TET1: variants seen among roughly 807,000 people sequenced by gnomAD.
The protein encoded by TET1 is methylcytosine dioxygenase TET1.
TET1 carries 13 observed loss-of-function variants against 148.7 expected under a neutral mutation model. The ratio of observed to expected loss-of-function variants is 0.09; its 90% CI spans 0.06 to 0.14. The LOEUF is 0.14. Ranked by LOEUF, TET1 falls within the 10% of genes least tolerant of loss-of-function variation. The pLI is 1.00. For synonymous variants in TET1, 907 were observed against 937.2 expected (o/e 0.97, Z 0.59); for missense variants, 2,182 against 2,553.8 (o/e 0.85, Z 3.14).
chr10:68,678,312 T>G (rs574472751), intron 8 of TET1, among the ~76,000 whole-genome samples: 14 of 152,152 alleles, frequency 9.2e-5, no homozygotes, highest in Non-Finnish European at 1.8e-4. Flanking sequence ...AGTAATTCAG[T>G]TTAGATATAT....
intron 2 of TET1, among the ~76,000 whole-genome samples, chr10:68,597,818 T>G (rs2054005741): frequency 6.6e-6 from 1 of 152,216 alleles, no homozygotes; most frequent in African/African-American, 2.4e-5. Context: ...TTGTAAATAT[T>G]ATGCTATTAA....
chr10:68,595,612 CTTTTTT>C (rs71470530), intron 2 of TET1, among the ~76,000 whole-genome samples: 3 of 76,510 alleles, frequency 3.9e-5, no homozygotes, highest in African/African-American at 5.1e-5. Context: ...CACACAGCTT[CTTTTTT>C]TTTTTTTTTT....
rs781070947 is a variant in TET1 at position 68,686,577 on chromosome 10, G to A, written c.5274G>A (p.Arg1758=). 24 of 1,613,992 alleles carry A rather than the reference G, an allele frequency of 1.5e-5. No homozygotes were observed. Among genetic ancestry groups the A allele is most frequent in the Non-Finnish European group, 1.9e-5 (22 of 1,180,046 alleles). ...TQPVPRSGKK[R]AAMMTEVLAH... is the part of the protein sequence containing the mutation. ...CTGTTCCCCGTTCTGGAAAGAAGAG[G>A]GCTGCGATGATGACAGAGGTTCTTG... Residue 1758 remains arginine, a synonymous_variant, in exon 11 of 12, where the codon AGG becomes AGA. Transcript: ENST00000373644.
Position 68,646,034 on chromosome 10 carries a change from G to C in TET1, c.3305G>C (p.Ser1102Thr), listed in dbSNP as rs2054839931. Residue 1102 changes from serine to threonine, a missense_variant, in exon 4 of 12, where the codon AGT (serine) becomes ACT (threonine). By Grantham distance (58) the Ser-to-Thr change is moderately conservative (BLOSUM62 1). Coordinates refer to ENST00000373644, the MANE Select transcript of TET1 (RefSeq NM_030625.3). ...AAACCAGAGGACAAAAAAGTTGAAA[G>C]TACACCAACAAGCCTTGTCACATGT... Reference protein sequence around the residue: ...YIKPEDKKVESTPTSLVTCNV... With the variant: ...YIKPEDKKVETTPTSLVTCNV... 3 of 1,613,904 alleles carry C rather than the reference G, an allele frequency of 1.9e-6. No individual in the cohort carries two copies. The highest frequency in any genetic ancestry group is 4.5e-5 in the East Asian group (2 of 44,886).
intron 6 of TET1, among the ~76,000 whole-genome samples, chr10:68,654,015 G>A (rs1222482734): frequency 6.7e-6 from 1 of 148,526 alleles, no homozygotes; most frequent in Non-Finnish European, 1.5e-5. Flanking sequence ...GCTGAGGCAG[G>A]AGAATCACTT....
intron 2 of TET1, among the ~76,000 whole-genome samples, chr10:68,576,177 C>T (rs1358852907): frequency 6.6e-6 from 1 of 151,780 alleles, no homozygotes; most frequent in Non-Finnish European, 1.5e-5. Context: ...CTGGCAAAAC[C>T]CCATCTCTAC....
At chr10:68,596,018 A>ACC in intron 2 of TET1, among the ~76,000 whole-genome samples, 1 of 113,348 alleles carries the variant, frequency 8.8e-6, no homozygotes, top group African/African-American at 3.5e-5. Context: ...ACACACACAC[A>ACC]CACACACACA....
At chr10:68,621,299 G>C (rs2054366947) in intron 3 of TET1, among the ~76,000 whole-genome samples, 2 of 152,136 alleles carry the variant, frequency 1.3e-5, no homozygotes, top group African/African-American at 4.8e-5. Flanking sequence ...CTGGAGTTCA[G>C]TGGCGTGATC....
intron 11 of TET1, among the ~76,000 whole-genome samples, chr10:68,688,684 C>T (rs887863223): frequency 1.3e-5 from 2 of 151,870 alleles, no homozygotes; most frequent in Non-Finnish European, 2.9e-5. Flanking sequence ...GTGATCTGCC[C>T]GCCTCAGCCT....
intron 3 of TET1, among the ~76,000 whole-genome samples, chr10:68,622,833 C>T (rs1022031648): frequency 4.6e-5 from 7 of 152,128 alleles, no homozygotes; most frequent in African/African-American, 7.2e-5. Context: ...CCCGCCTTAG[C>T]CTCCCAGGGT....
At chr10:68,579,294 G>C (rs1036676857) in intron 2 of TET1, among the ~76,000 whole-genome samples, 1 of 152,132 alleles carries the variant, frequency 6.6e-6, no homozygotes, top group South Asian at 2.1e-4. Context: ...GTTTGGTTCA[G>C]TGCCATAACA....
At chr10:68,588,499 A>G (rs2053884158) in intron 2 of TET1, among the ~76,000 whole-genome samples, 1 of 152,196 alleles carries the variant, frequency 6.6e-6, no homozygotes, top group African/African-American at 2.4e-5. Flanking sequence ...TAGTCACCAT[A>G]TCTCTGAGCT....
At chr10:68,679,530 G>A (rs2055408100) in intron 8 of TET1, among the ~76,000 whole-genome samples, 1 of 152,156 alleles carries the variant, frequency 6.6e-6, no homozygotes, top group African/African-American at 2.4e-5. Flanking sequence ...CGGTTACCCA[G>A]CCCACTGGAT....
intron 10 of TET1, among the ~76,000 whole-genome samples, chr10:68,685,959 G>C (rs1270997995): frequency 6.6e-6 from 1 of 151,986 alleles, no homozygotes; most frequent in African/African-American, 2.4e-5. Context: ...CAGAAATATG[G>C]TGCTATGTGA....
At chr10:68,596,492 T>C (rs1203524965) in intron 2 of TET1, among the ~76,000 whole-genome samples, 1 of 152,176 alleles carries the variant, frequency 6.6e-6, no homozygotes, top group Non-Finnish European at 1.5e-5. Context: ...CTCCGCTATG[T>C]AGCTTAGGCT....
chr10:68,574,348 T>TAG, intron 2 of TET1, 96 bp downstream of exon 2: 1 of 952,568 alleles, frequency 1.0e-6, no homozygotes, highest in Non-Finnish European at 1.5e-6. Flanking sequence ...CTCTATGTAA[T>TAG]AGTGAATTGC....
At chr10:68,576,438 GGA>G (rs2053732434) in intron 2 of TET1, among the ~76,000 whole-genome samples, 1 of 151,840 alleles carries the variant, frequency 6.6e-6, no homozygotes, top group African/African-American at 2.4e-5. Flanking sequence ...TCAGGCAGGT[GGA>G]CTGCTTGAGC....
In TET1 at chr10:68,645,013, C is replaced by T. The variant is rs773409567; in HGVS notation, c.2284C>T (p.His762Tyr). The T allele has an allele frequency of 4.3e-6, 7 of 1,613,696 alleles. No individual in the cohort carries two copies. In the Middle Eastern group the frequency reaches 6.6e-4, roughly 152 times the overall value. Residue 762 changes from histidine to tyrosine, a missense_variant, in exon 4 of 12, where the codon CAT becomes TAT. Physicochemically the swap from His to Tyr is moderately conservative, Grantham distance 83. Around this residue, in one of 11 missense-constraint regions of TET1, gnomAD observed 226 missense variants for 307.4 expected, o/e 0.74. Coordinates refer to ENST00000373644, the MANE Select transcript of TET1 (RefSeq NM_030625.3). ...FVQTVRNGIK[H>Y]VHCLPAETNV... Reference sequence around the variant, plus strand: ...ACAAACCGTAAGAAATGGCATTAAACATGTACACTGTTTACCAGCTGAAAC... The same window carrying T: ...ACAAACCGTAAGAAATGGCATTAAATATGTACACTGTTTACCAGCTGAAAC...
At chr10:68,611,453 T>A (rs2054208585) in intron 3 of TET1, among the ~76,000 whole-genome samples, 1 of 151,984 alleles carries the variant, frequency 6.6e-6, no homozygotes. Flanking sequence ...GCCACCGCAC[T>A]CCAGCCTGGG....
Sources: allele counts gnomAD v4.1 joint callset (sites outside exome capture counted in the v4.1 genomes callset), GRCh38; gene constraint gnomAD v4.1.1; regional missense constraint gnomAD v4.1.1; transcripts MANE v1.5; gene names NCBI Gene and HGNC (gene_info 2026-07-23, HGNC 2026-07-21).